Variants in CDIN1 observed in about 807,000 individuals in gnomAD.
CDIN1 encodes CDAN1 interacting nuclease 1.
A neutral mutation model predicts 45.3 loss-of-function variants in CDIN1; 33 were observed. The ratio of observed to expected loss-of-function variants is 0.73; its 90% confidence interval spans 0.55 to 0.97. CDIN1 has a LOEUF of 0.97. CDIN1 is among the 50% of genes least tolerant of loss of function. The probability of loss-of-function intolerance (pLI) is 0.00; values close to 1 mark genes in which losing one functional copy is unlikely to be tolerated. For synonymous variants in CDIN1, 118 were observed against 124.4 expected (o/e 0.95, Z 0.34); for missense variants, 303 against 339.4 (o/e 0.89, Z 0.84).
chr15:36,709,317 G>A, intron 9 of CDIN1, 29 bp downstream of exon 9: 2 of 1,552,036 alleles, frequency 1.3e-6, no homozygotes, highest in Non-Finnish European at 1.7e-6. Flanking sequence ...TTATGCATTT[G>A]TTTTTAGAGA....
At chr15:36,647,643 T>C (rs2040391164) in intron 3 of CDIN1, 2 of 152,206 alleles carry the variant, frequency 1.3e-5, no homozygotes, top group Admixed American at 1.3e-4. Context: ...GGTCAAATGT[T>C]CCTGTCTGTG....
At chr15:36,754,916 G>A (rs1459027712) in intron 10 of CDIN1, among the ~76,000 whole-genome samples, 2 of 151,986 alleles carry the variant, frequency 1.3e-5, no homozygotes, top group African/African-American at 4.8e-5. Context: ...CCAAAAAAAA[G>A]GCCCACCCCA....
intron 10 of CDIN1, among the ~76,000 whole-genome samples, chr15:36,746,669 C>CCACACACACA (rs34320677): frequency 0.027 from 3,841 of 141,444 alleles, 70 homozygotes; most frequent in Non-Finnish European, 0.031. Flanking sequence ...ATATATGGTT[C>CCACACACACA]CACACACACA....
chr15:36,691,662 A>G (rs766307899), intron 5 of CDIN1, 23 bp from the exon 6 acceptor site: 3 of 1,483,074 alleles, frequency 2.0e-6, no homozygotes, highest in Non-Finnish European at 2.8e-6. Flanking sequence ...ATCTGCTAAC[A>G]GTTCATCTCT....
At chr15:36,588,824 C>A (rs1454360603) in intron 1 of CDIN1, among the ~76,000 whole-genome samples, 1 of 152,072 alleles carries the variant, frequency 6.6e-6, no homozygotes, top group Admixed American at 6.5e-5. Flanking sequence ...TGCATCTTTG[C>A]ATTGTGTAGC....
At chr15:36,610,494 A>G (rs2038596506) in intron 1 of CDIN1, among the ~76,000 whole-genome samples, 1 of 152,232 alleles carries the variant, frequency 6.6e-6, no homozygotes, top group Non-Finnish European at 1.5e-5. Flanking sequence ...ATCTTGGGAA[A>G]AAAGAATAGC....
chr15:36,772,939 C>T (rs1278514091), intron 10 of CDIN1, among the ~76,000 whole-genome samples: 2 of 152,162 alleles, frequency 1.3e-5, no homozygotes, highest in Admixed American at 6.5e-5. Context: ...AGTATTAGCA[C>T]TATAGTAGTA....
intron 10 of CDIN1, among the ~76,000 whole-genome samples, chr15:36,747,996 G>A (rs578014644): frequency 5.3e-5 from 8 of 152,256 alleles, no homozygotes; most frequent in East Asian, 1.9e-4. Context: ...TTAATCATTC[G>A]TTACAACCCA....
At chr15:36,767,411 C>T (rs952514180) in intron 10 of CDIN1, among the ~76,000 whole-genome samples, 1 of 152,188 alleles carries the variant, frequency 6.6e-6, no homozygotes, top group African/African-American at 2.4e-5. Flanking sequence ...GAATGTGTAG[C>T]CCCATCCCCT....
intron 10 of CDIN1, among the ~76,000 whole-genome samples, chr15:36,791,028 G>T (rs118052972): frequency 1.3e-5 from 2 of 152,086 alleles, no homozygotes; most frequent in Admixed American, 6.6e-5. Flanking sequence ...AGGTCCCAGT[G>T]TCTGTTGTTC....
At chr15:36,596,401 T>A (rs2037836192) in intron 1 of CDIN1, among the ~76,000 whole-genome samples, 1 of 152,178 alleles carries the variant, frequency 6.6e-6, no homozygotes, top group Admixed American at 6.5e-5. Flanking sequence ...TGTGTTTTGG[T>A]ATACTACTGT....
intron 8 of CDIN1, among the ~76,000 whole-genome samples, chr15:36,702,657 T>C (rs1204850217): frequency 6.6e-6 from 1 of 152,128 alleles, no homozygotes; most frequent in African/African-American, 2.4e-5. Flanking sequence ...AAGGAGAATT[T>C]ATTGGCTTAA....
intron 1 of CDIN1, among the ~76,000 whole-genome samples, chr15:36,620,282 C>T (rs1212273262): frequency 2.6e-5 from 4 of 151,830 alleles, no homozygotes; most frequent in African/African-American, 9.7e-5. Flanking sequence ...CACCGGGGGG[C>T]GGAGCTTGCA....
chr15:36,655,250 C>T (rs1311086655), intron 4 of CDIN1, among the ~76,000 whole-genome samples: 4 of 151,772 alleles, frequency 2.6e-5, no homozygotes, highest in African/African-American at 9.7e-5. Flanking sequence ...AATTTCTGTG[C>T]GCCTCCTAGG....
chr15:36,691,171 T>C (rs1410722262), intron 5 of CDIN1: 1 of 518,720 alleles, frequency 1.9e-6, no homozygotes, highest in South Asian at 1.4e-5. Flanking sequence ...ATGAGAATTA[T>C]TTTGGAAAGG....
intron 10 of CDIN1, among the ~76,000 whole-genome samples, chr15:36,764,214 G>GTTTTTTT (rs11297312): frequency 7.7e-5 from 9 of 116,256 alleles, no homozygotes; most frequent in African/African-American, 1.2e-4. Context: ...TGTGGTTTTG[G>GTTTTTTT]TTTTTTTTTT....
intron 8 of CDIN1, among the ~76,000 whole-genome samples, chr15:36,700,762 T>G (rs2042601493): frequency 1.3e-5 from 2 of 151,904 alleles, no homozygotes; most frequent in South Asian, 4.2e-4. Context: ...TAAGTTTCAG[T>G]ACATGTTAGC....
Position 36,808,716 on chromosome 15 carries a change from G to C in CDIN1, c.*263G>C. The C allele has an allele frequency of 2.0e-6, 1 of 506,462 alleles. No homozygotes were observed. Among genetic ancestry groups the C allele is most frequent in the Non-Finnish European group, 3.6e-6 (1 of 276,858 alleles). The allele number at this position is 506,462 out of a possible 1,614,324, so 31.4% of individuals were successfully genotyped here. On this transcript the variant is annotated 3_prime_UTR_variant, in exon 11 of 11. Coordinates refer to ENST00000566621, the MANE Select transcript of CDIN1 (RefSeq NM_001321759.2). The stretch of plus-strand genomic sequence containing the variant: ...GTCTCTGTCAAACAATTAGTTTATA[G>C]ATAGTCATAATCTTTCTTTCTTCCG...
At chr15:36,617,002 T>C (rs1371631698) in intron 1 of CDIN1, 12 of 668,052 alleles carry the variant, frequency 1.8e-5, no homozygotes, top group South Asian at 5.6e-5. Context: ...CAAAAACTTA[T>C]TTAAAAAATT....
Sources: gnomAD v4.1 joint callset for allele counts (sites outside exome capture counted in the v4.1 genomes callset) on GRCh38, gnomAD v4.1.1 for gene constraint, MANE v1.5 for transcripts, NCBI Gene and HGNC (gene_info 2026-07-23, HGNC 2026-07-21) for gene names.